The following PCDH15 variants were observed in gnomAD, a reference collection of about 807,000 sequenced individuals.
PCDH15 encodes protocadherin-15.
In PCDH15, 129 loss-of-function variants were observed where a neutral mutation model predicts 178.5. That is an observed-to-expected ratio of 0.72 (90% CI 0.63 to 0.84). The LOEUF (loss-of-function observed/expected upper bound fraction) is 0.84, where lower values mean the gene tolerates loss of function less well. PCDH15 is among the 40% of genes least tolerant of loss of function. The pLI, the probability that PCDH15 is intolerant of heterozygous loss-of-function variation, is 0.00. For synonymous variants in PCDH15, 800 were observed against 732.0 expected, an observed-to-expected ratio of 1.09 and a Z score of -1.50; for missense variants, 2,230 against 2,099.9, an observed-to-expected ratio of 1.06 and a Z score of -1.21.
intron 25 of PCDH15, among the ~76,000 whole-genome samples, chr10:53,938,358 A>G (rs2085756111): frequency 6.6e-6 from 1 of 152,202 alleles, no homozygotes; most frequent in South Asian, 2.1e-4. Flanking sequence ...TTAAAAATGA[A>G]AAATGATGCT....
intron 2 of PCDH15, among the ~76,000 whole-genome samples, chr10:54,574,025 T>A (rs1222898046): frequency 6.6e-6 from 1 of 152,168 alleles, no homozygotes; most frequent in Non-Finnish European, 1.5e-5. Context: ...AGCTCTTTAG[T>A]TTAATTAGAT....
intron 1 of PCDH15, among the ~76,000 whole-genome samples, chr10:55,233,569 T>C (rs1382010769): frequency 6.6e-6 from 1 of 151,186 alleles, no homozygotes; most frequent in Non-Finnish European, 1.5e-5. Context: ...CACTGATTCA[T>C]TTTTTTACTC....
chr10:55,129,334 A>G (rs1837983934), intron 2 of PCDH15, among the ~76,000 whole-genome samples: 1 of 152,112 alleles, frequency 6.6e-6, no homozygotes, highest in Non-Finnish European at 1.5e-5. Flanking sequence ...TTAGGTCACA[A>G]AAGAGTCTTT....
At chr10:54,695,952 G>T (rs2095216633) in intron 1 of PCDH15, among the ~76,000 whole-genome samples, 1 of 152,000 alleles carries the variant, frequency 6.6e-6, no homozygotes, top group South Asian at 2.1e-4. Context: ...GAGATGTACA[G>T]GGAGATCAGT....
At chr10:54,164,105 G>T (rs2045975307) in intron 13 of PCDH15, among the ~76,000 whole-genome samples, 1 of 152,200 alleles carries the variant, frequency 6.6e-6, no homozygotes, top group Non-Finnish European at 1.5e-5. Context: ...GCTTTCGCTA[G>T]TGAAAGTTTA....
intron 13 of PCDH15, among the ~76,000 whole-genome samples, chr10:54,157,139 T>G (rs1435935789): frequency 1.3e-5 from 2 of 152,154 alleles, no homozygotes; most frequent in Admixed American, 1.3e-4. Context: ...TGGAGGACAG[T>G]GGCACTCTTC....
chr10:54,154,219 A>T (rs978888466), intron 13 of PCDH15, among the ~76,000 whole-genome samples: 3 of 152,158 alleles, frequency 2.0e-5, no homozygotes, highest in African/African-American at 7.2e-5. Context: ...TTCTAGCAGA[A>T]ATCTTATAGT....
intron 9 of PCDH15, among the ~76,000 whole-genome samples, chr10:54,234,331 T>C (rs1415736786): frequency 6.6e-6 from 1 of 152,144 alleles, no homozygotes; most frequent in Non-Finnish European, 1.5e-5. Flanking sequence ...ACATTTACAA[T>C]GTATTGGATC....
intron 2 of PCDH15, among the ~76,000 whole-genome samples, chr10:55,471,429 C>A (rs1227163328): frequency 6.6e-6 from 1 of 152,180 alleles, no homozygotes; most frequent in Admixed American, 6.5e-5. Context: ...ACTACATTAA[C>A]CATGACTGGC....
chr10:54,895,336 G>A (rs1456681010), intron 3 of PCDH15, among the ~76,000 whole-genome samples: 8 of 152,248 alleles, frequency 5.3e-5, no homozygotes, highest in Non-Finnish European at 1.0e-4. Flanking sequence ...GCAGTAGGAA[G>A]GATGATCTAA....
chr10:53,891,936 T>C (rs1474790101), intron 26 of PCDH15, among the ~76,000 whole-genome samples: 3 of 147,758 alleles, frequency 2.0e-5, no homozygotes, highest in African/African-American at 5.0e-5. Flanking sequence ...GCCAATGCAC[T>C]CCACCCTGGG....
intron 2 of PCDH15, among the ~76,000 whole-genome samples, chr10:54,647,124 A>G (rs1301159044): frequency 6.6e-6 from 1 of 152,116 alleles, no homozygotes; most frequent in East Asian, 1.9e-4. Context: ...AAGAGAATGC[A>G]GTATATACAT....
intron 26 of PCDH15, among the ~76,000 whole-genome samples, chr10:53,892,020 G>GTT (rs869122093): frequency 0.017 from 1,604 of 91,738 alleles, 40 homozygotes; most frequent in African/African-American, 0.025. Context: ...TTACATCTAT[G>GTT]TTTTTTTTTT....
chr10:54,966,905 A>AAT (rs1838807599), intron 2 of PCDH15, among the ~76,000 whole-genome samples: 2 of 152,154 alleles, frequency 1.3e-5, no homozygotes, highest in South Asian at 2.1e-4. Context: ...AAAATGAACT[A>AAT]ATACAGTAAG....
chr10:54,952,412 T>C (rs1838367883), intron 2 of PCDH15, among the ~76,000 whole-genome samples: 1 of 151,852 alleles, frequency 6.6e-6, no homozygotes, highest in African/African-American at 2.4e-5. Flanking sequence ...TGTAGCTTTA[T>C]AATACACCTT....
intron 2 of PCDH15, among the ~76,000 whole-genome samples, chr10:55,410,116 G>C (rs1838296501): frequency 6.6e-6 from 1 of 151,984 alleles, no homozygotes. Context: ...TATTATTATA[G>C]CTGATTTTTT....
chr10:55,207,168 TA>T (rs1466856561), intron 1 of PCDH15, among the ~76,000 whole-genome samples: 2 of 152,140 alleles, frequency 1.3e-5, no homozygotes, highest in African/African-American at 4.8e-5. Context: ...TATTAAATAG[TA>T]ATTTAGCACT....
At chr10:55,288,911 A>G (rs979348320) in intron 1 of PCDH15, among the ~76,000 whole-genome samples, 1 of 151,638 alleles carries the variant, frequency 6.6e-6, no homozygotes, top group South Asian at 2.1e-4. Context: ...TTGGTGGATT[A>G]TACAGTAATT....
At chr10:54,585,693 A>C (rs1240834759) in intron 2 of PCDH15, 1 of 156,270 alleles carries the variant, frequency 6.4e-6, no homozygotes. Context: ...TTTCCCACTC[A>C]TTGGTACTAT....
Sources: gnomAD v4.1 joint callset for allele counts (sites outside exome capture counted in the v4.1 genomes callset) on GRCh38, gnomAD v4.1.1 for gene constraint, MANE v1.5 for transcripts, NCBI Gene and HGNC (gene_info 2026-07-23, HGNC 2026-07-21) for gene names.